Variants in FSCN2 observed in about 807,000 individuals in gnomAD.
The protein encoded by FSCN2 is fascin-2.
A neutral mutation model predicts 37.8 loss-of-function variants in FSCN2; 46 were observed. That is an observed-to-expected ratio of 1.22 (90% CI 0.96 to 1.56). FSCN2 has a LOEUF of 1.56. FSCN2 is among the 40% of genes most tolerant of loss of function. The pLI is 0.00. For missense variants in FSCN2, 844 were observed against 730.4 expected (o/e 1.16, Z -1.79); for synonymous variants, 351 against 309.4 (o/e 1.13, Z -1.41).
upstream of FSCN2, among the ~76,000 whole-genome samples, chr17:81,524,100 C>T (rs2032280033): frequency 6.6e-6 from 1 of 152,204 alleles, no homozygotes; most frequent in Non-Finnish European, 1.5e-5. Context: ...CGTCCACCAG[C>T]ACCTCAGAAA....
At position 81,536,632 on chromosome 17, in the gene FSCN2, A is replaced by G. The variant is rs768622666; in HGVS notation, c.1116A>G (p.Glu372=). The G allele has an allele frequency of 2.5e-6, 4 of 1,609,960 alleles. No individual in the cohort carries two copies. Among genetic ancestry groups the G allele is most frequent in the Non-Finnish European group, 3.4e-6 (4 of 1,179,688 alleles). Residue 372 remains glutamate (E), a synonymous_variant, in exon 4 of 5, where the codon GAA becomes GAG. Transcript: ENST00000417245. ...AAISDFVGKD[E]EFTLKLINRP... ...CGCTCTCCCCGCCAGGCAAGGACGAAGAGTTCACCCTCAAGCTCATCAACC... is the reference window on the plus strand; with the variant it reads ...CGCTCTCCCCGCCAGGCAAGGACGAGGAGTTCACCCTCAAGCTCATCAACC...
chr17:81,536,669 GT>G lies in FSCN2; in HGVS notation c.1154del (p.Val385GlyfsTer30), dbSNP rs1230474548. On this transcript the variant is annotated frameshift_variant, in exon 4 of 5. Transcript: ENST00000417245. LOFTEE classifies it high-confidence loss of function. The part of the protein sequence containing the change: ...TLKLINRPIL[V>X]LRGLDGFVCH... ...CAAGCTCATCAACCGGCCCATCCTG[GT>G]GCTGCGCGGCCTGGACGGCTTCGTC... 1 of 1,611,276 alleles carries G rather than the reference GT, an allele frequency of 6.2e-7. No individual in the cohort carries two copies. Among genetic ancestry groups the G allele is most frequent in the South Asian group, 1.1e-5 (1 of 90,940 alleles).
In FSCN2 at chr17:81,536,154, A is replaced by C; in HGVS notation, c.992A>C (p.Asn331Thr). The C allele has an allele frequency of 6.2e-7, 1 of 1,607,452 alleles. No homozygotes were observed. The highest frequency in any genetic ancestry group is 8.5e-7 in the Non-Finnish European group (1 of 1,177,642). The change falls in exon 3 of 5, where the codon AAC becomes ACC. Residue 331 changes from asparagine to threonine, a missense_variant. Transcript: ENST00000417245. ...TTTGCTGCTCCCTCCAGTTCTGCCA[A>C]CACCATGTTTGAGATGGAGTGGCGT... ...IHATATQVSANTMFEMEWRGR... is the reference protein window; with the variant it reads ...IHATATQVSATTMFEMEWRGR...
At chr17:81,534,855 C>T (rs1265577172) in intron 1 of FSCN2, among the ~76,000 whole-genome samples, 197 bp from the exon 2 acceptor site, 4 of 151,674 alleles carry the variant, frequency 2.6e-5, no homozygotes, top group African/African-American at 7.3e-5. Context: ...GGACAGTGTG[C>T]AGGGTCCACA....
rs1555670670 is a variant in FSCN2 at position 81,528,939 on chromosome 17, C to T, written c.408C>T (p.Ala136=). 4.4e-6 allele frequency: 7 copies of T among 1,590,704 alleles called. No homozygotes were observed. In the East Asian group the frequency reaches 1.6e-4, roughly 36 times the overall value. Reference sequence around the variant, plus strand: ...CCGAGCTGTGGACCGTGCACCTGGCCATCCACCCGCAGGCCCACCTGCTGA... The same window carrying T: ...CCGAGCTGTGGACCGTGCACCTGGCTATCCACCCGCAGGCCCACCTGCTGA... The part of the protein sequence containing the change: ...SPAELWTVHL[A]IHPQAHLLSV... The change falls in exon 1 of 5, where the codon GCC becomes GCT. Residue 136 remains alanine (A), a synonymous_variant. Transcript: ENST00000417245.
the FSCN2 span, among the ~76,000 whole-genome samples, chr17:81,518,851 A>G: frequency 2.0e-5 from 3 of 152,150 alleles, no homozygotes; most frequent in Non-Finnish European, 4.4e-5. Flanking sequence ...TCAGGGCGGG[A>G]CAAGGGCAAG....
chr17:81,526,608 G>A (rs573036060), upstream of FSCN2, among the ~76,000 whole-genome samples: 20 of 152,348 alleles, frequency 1.3e-4, no homozygotes, highest in Admixed American at 3.3e-4. Context: ...TGGGTGAGGA[G>A]CGAGACCCTA....
chr17:81,535,519 C>T (rs1329608494), intron 2 of FSCN2, among the ~76,000 whole-genome samples: 1 of 3,536 alleles, frequency 2.8e-4, no homozygotes, highest in Non-Finnish European at 4.9e-4. Flanking sequence ...CCCATCTCCA[C>T]CATCTCCATC....
chr17:81,516,967 C>G, the FSCN2 span, among the ~76,000 whole-genome samples: 11 of 152,202 alleles, frequency 7.2e-5, no homozygotes. Flanking sequence ...GAGGAGAGTC[C>G]CAGACTGTGG....
chr17:81,530,719 C>G (rs1555671142), intron 1 of FSCN2: 2 of 439,952 alleles, frequency 4.5e-6, no homozygotes, highest in African/African-American at 2.1e-5. Context: ...TGGCAGAGGC[C>G]CCACCCTGTG....
the FSCN2 span, among the ~76,000 whole-genome samples, chr17:81,517,080 G>A: frequency 3.3e-5 from 5 of 151,992 alleles, no homozygotes; most frequent in African/African-American, 1.2e-4. Context: ...AGGGCGGTGT[G>A]GGCACTCTAC....
rs760378546 is a variant in FSCN2 at position 81,536,799 on chromosome 17, G to A, written c.1273+10G>A. On this transcript the variant is annotated intron_variant, in intron 4 of 4. Coordinates refer to ENST00000417245, the MANE Select transcript of FSCN2 (RefSeq NM_012418.4). Reference sequence around the variant, plus strand: ...GCCTACCGGATCCGAGGTGCGTGGCGGGGCGGGTGGGCACGCGGGAGCGGG... The same window carrying A: ...GCCTACCGGATCCGAGGTGCGTGGCAGGGCGGGTGGGCACGCGGGAGCGGG... 13 of 1,574,470 alleles carry A rather than the reference G, an allele frequency of 8.3e-6. No individual in the cohort carries two copies. The highest frequency in any genetic ancestry group is 4.6e-5 in the East Asian group (2 of 43,032).
the FSCN2 span, among the ~76,000 whole-genome samples, chr17:81,515,395 C>G: frequency 1.3e-5 from 2 of 152,358 alleles, no homozygotes; most frequent in South Asian, 4.1e-4. Flanking sequence ...GGCAGCTGCA[C>G]TTCCGCCAGA....
At chr17:81,516,269 A>G in the FSCN2 span, among the ~76,000 whole-genome samples, 3 of 152,374 alleles carry the variant, frequency 2.0e-5, no homozygotes, top group South Asian at 2.1e-4. Context: ...TTAATCTCTC[A>G]GTTATGGCAG....
At chr17:81,521,717 C>T in the FSCN2 span, among the ~76,000 whole-genome samples, 1 of 152,116 alleles carries the variant, frequency 6.6e-6, no homozygotes, top group Admixed American at 6.5e-5. Context: ...CATCTTGACA[C>T]ATTTGCTTAT....
At chr17:81,516,872 C>A in the FSCN2 span, among the ~76,000 whole-genome samples, 4 of 140,078 alleles carry the variant, frequency 2.9e-5, no homozygotes, top group Non-Finnish European at 6.7e-5. Flanking sequence ...ACCTGGTCCC[C>A]AGACCAGGTC....
chr17:81,531,870 ATGG>A (rs1334844283), intron 1 of FSCN2, among the ~76,000 whole-genome samples: 1 of 115,178 alleles, frequency 8.7e-6, no homozygotes, highest in African/African-American at 3.3e-5. Flanking sequence ...GATGGCGATG[ATGG>A]TGATGATGGT....
rs1170054209 is a variant in FSCN2, at chr17:81,536,927, CGGCGAACGCGCCGA to C, written c.1329_1342del (p.Glu444LeufsTer7). ...GCAGCCACGGCAGCGTGTGCAGCGA[CGGCGAACGCGCCGA>C]GGACTTCGTCTTCGAGTTCCGTGAG... On this transcript the variant is annotated frameshift_variant, in exon 5 of 5. Transcript: ENST00000417245. LOFTEE classifies it low-confidence loss of function (END_TRUNC). 1 of 1,573,106 alleles carries C rather than the reference CGGCGAACGCGCCGA, an allele frequency of 6.4e-7. No homozygotes were observed. Among genetic ancestry groups the C allele is most frequent in the East Asian group, 2.4e-5 (1 of 41,364 alleles).
chr17:81,534,901 G>A, intron 1 of FSCN2, 151 bp from the exon 2 acceptor site: 2 of 575,452 alleles, frequency 3.5e-6, no homozygotes. Context: ...GGTTCCCAGG[G>A]TCTCTGAGAG....
Sources: gnomAD v4.1 joint callset for allele counts (sites outside exome capture counted in the v4.1 genomes callset) on GRCh38, gnomAD v4.1.1 for gene constraint, MANE v1.5 for transcripts, NCBI Gene and HGNC (gene_info 2026-07-23, HGNC 2026-07-21) for gene names.